Variants in SRRM4 observed in about 807,000 individuals in gnomAD.
SRRM4 encodes serine/arginine repetitive matrix protein 4.
Under a neutral mutation model 68.9 loss-of-function variants are expected in SRRM4, and 33 were observed. That is an observed-to-expected ratio of 0.48 (90% confidence interval 0.36 to 0.64). The LOEUF (loss-of-function observed/expected upper bound fraction) is 0.64, where lower values mean the gene tolerates loss of function less well. Among genes scored for constraint, SRRM4 ranks in the 30% least tolerant of loss-of-function variants. SRRM4 has a pLI of 0.00. For missense variants in SRRM4, 817 were observed against 827.1 expected (o/e 0.99, Z 0.15); for synonymous variants, 318 against 318.8 (o/e 1.00, Z 0.03).
intron 1 of SRRM4, among the ~76,000 whole-genome samples, chr12:119,085,958 C>T (rs1953977488): frequency 6.6e-6 from 1 of 152,074 alleles, no homozygotes; most frequent in Non-Finnish European, 1.5e-5. Context: ...GACGTTTGGT[C>T]ACATTAAGTT....
At chr12:119,004,611 A>G (rs1953404775) in intron 1 of SRRM4, among the ~76,000 whole-genome samples, 2 of 151,898 alleles carry the variant, frequency 1.3e-5, no homozygotes, top group South Asian at 4.2e-4. Context: ...GTGGGTCAGA[A>G]TCAGGGCTCC....
chr12:119,152,783 C>T (rs148902768), intron 10 of SRRM4, among the ~76,000 whole-genome samples: 166 of 152,336 alleles, frequency 1.1e-3, no homozygotes, highest in Middle Eastern at 3.4e-3. Flanking sequence ...AAGGGAAGAG[C>T]TATTCCTGCC....
chr12:119,162,735 TGGTGCACCCCAA>T lies in SRRM4; in HGVS notation c.*5940_*5951del, dbSNP rs1188763561. The T allele has an allele frequency of 6.6e-6, 1 of 152,180 alleles. No homozygotes were observed. The highest frequency in any genetic ancestry group is 1.5e-5 in the Non-Finnish European group (1 of 68,050). The allele number at this position is 152,180 out of a possible 1,614,324, so 9.4% of individuals were successfully genotyped here. On this transcript the variant is annotated 3_prime_UTR_variant, in exon 13 of 13. Coordinates refer to ENST00000267260, the MANE Select transcript of SRRM4 (RefSeq NM_194286.4). ...ATCCACCACATTGGCCAAGGGGACG[TGGTGCACCCCAA>T]GGCCATTTCTCTGCATTGGAGGCTG... is the stretch of plus-strand genomic sequence containing the variant.
chr12:119,095,731 C>T (rs948232500), intron 1 of SRRM4, among the ~76,000 whole-genome samples: 10 of 152,028 alleles, frequency 6.6e-5, no homozygotes, highest in Middle Eastern at 3.2e-3. Flanking sequence ...TATCTTACAA[C>T]GTAATTACCA....
intron 1 of SRRM4, among the ~76,000 whole-genome samples, chr12:119,066,048 T>G (rs1953843947): frequency 6.6e-6 from 1 of 152,212 alleles, no homozygotes; most frequent in Admixed American, 6.5e-5. Flanking sequence ...TCAATATGCC[T>G]TATGGAATTT....
chr12:119,064,820 A>G (rs1049012167), intron 1 of SRRM4, among the ~76,000 whole-genome samples: 4 of 152,160 alleles, frequency 2.6e-5, no homozygotes, highest in African/African-American at 9.7e-5. Context: ...TTTGTGGAAA[A>G]GGGGGAAAAA....
chr12:119,046,727 A>G (rs1485936765), intron 1 of SRRM4, among the ~76,000 whole-genome samples: 1 of 152,138 alleles, frequency 6.6e-6, no homozygotes, highest in Non-Finnish European at 1.5e-5. Context: ...TCTCTCTGAA[A>G]CATCTTGAAC....
At chr12:119,089,758 CAT>C in intron 1 of SRRM4, among the ~76,000 whole-genome samples, 1 of 152,102 alleles carries the variant, frequency 6.6e-6, no homozygotes. Context: ...TCATCATCAT[CAT>C]CATCATCCTC....
chr12:119,047,070 C>T (rs1359202410), intron 1 of SRRM4, among the ~76,000 whole-genome samples: 2 of 149,372 alleles, frequency 1.3e-5, no homozygotes, highest in South Asian at 2.1e-4. Context: ...TGTCTTCACA[C>T]AGTTCAATGT....
chr12:119,001,630 ATTG>A (rs770157116), intron 1 of SRRM4: 1 of 152,188 alleles, frequency 6.6e-6, no homozygotes, highest in Non-Finnish European at 1.5e-5. Flanking sequence ...TCATGTATGT[ATTG>A]TTATTTCTAT....
intron 1 of SRRM4, among the ~76,000 whole-genome samples, chr12:119,008,190 C>T (rs1286601660): frequency 6.6e-6 from 1 of 151,754 alleles, no homozygotes; most frequent in African/African-American, 2.4e-5. Context: ...TTGCTTGAGC[C>T]CAGGAGTTCA....
chr12:119,126,055 A>G lies in SRRM4; in HGVS notation c.614+576A>G, dbSNP rs1200478735. Among the ~76,000 whole-genome samples the G allele has an allele frequency of 4.9e-4, 46 of 94,458 alleles. 1 individual carries two copies. The highest frequency in any genetic ancestry group is 0.012 in the Middle Eastern group (1 of 84). 62.0% of individuals were successfully genotyped at this position (94,458 alleles called of 152,430 possible). ...TTTTTTTTTTTTGAGACAGAGTCTCACCCTATAGCCCAGTCTGGAGTGCAG... is the reference window on the plus strand; with the variant it reads ...TTTTTTTTTTTTGAGACAGAGTCTCGCCCTATAGCCCAGTCTGGAGTGCAG... On this transcript the variant is annotated intron_variant, in intron 7 of 12. Coordinates refer to ENST00000267260, the MANE Select transcript of SRRM4 (RefSeq NM_194286.4).
chr12:119,072,080 GGT>G (rs1258285813), intron 1 of SRRM4, among the ~76,000 whole-genome samples: 1 of 152,158 alleles, frequency 6.6e-6, no homozygotes, highest in Non-Finnish European at 1.5e-5. Flanking sequence ...CTGTGTAATA[GGT>G]ACTAATAATA....
intron 8 of SRRM4, among the ~76,000 whole-genome samples, chr12:119,140,377 CA>C (rs368797079): frequency 0.015 from 2,071 of 141,184 alleles, 35 homozygotes; most frequent in African/African-American, 0.048. Context: ...GACTCTGTCT[CA>C]AAAAAAAAAA....
At chr12:119,150,884 G>C in intron 9 of SRRM4, 133 bp from the exon 10 acceptor site, 1 of 764,350 alleles carries the variant, frequency 1.3e-6, no homozygotes, top group Admixed American at 2.1e-5. Flanking sequence ...TTTCCAGAGA[G>C]AATAGGATGG....
At chr12:119,130,895 G>T in intron 8 of SRRM4, 61 bp downstream of exon 8, 2 of 1,536,094 alleles carry the variant, frequency 1.3e-6, no homozygotes, top group Non-Finnish European at 8.8e-7. Context: ...GAATGTGGAG[G>T]CACAAGTTCA....
At chr12:119,036,340 T>G (rs1456985016) in intron 1 of SRRM4, among the ~76,000 whole-genome samples, 3 of 152,120 alleles carry the variant, frequency 2.0e-5, no homozygotes, top group Non-Finnish European at 4.4e-5. Flanking sequence ...TCCAGGCAGG[T>G]GTTTGTAAGG....
At chr12:119,067,255 C>T (rs1210612254) in intron 1 of SRRM4, among the ~76,000 whole-genome samples, 3 of 152,174 alleles carry the variant, frequency 2.0e-5, no homozygotes, top group African/African-American at 4.8e-5. Context: ...TCCCCAGTGC[C>T]TAGCACCATG....
At chr12:118,999,837 T>C (rs1953373147) in intron 1 of SRRM4, among the ~76,000 whole-genome samples, 2 of 152,232 alleles carry the variant, frequency 1.3e-5, no homozygotes, top group African/African-American at 4.8e-5. Flanking sequence ...ATTAACTTGT[T>C]AATACTTTGC....
Sources: allele counts gnomAD v4.1 joint callset (sites outside exome capture counted in the v4.1 genomes callset), GRCh38; gene constraint gnomAD v4.1.1; transcripts MANE v1.5; gene names NCBI Gene and HGNC (gene_info 2026-07-23, HGNC 2026-07-21).